SCFD2: variants seen among roughly 807,000 people sequenced by gnomAD.
The protein encoded by SCFD2 is sec1 family domain containing 2.
SCFD2 carries 54 observed loss-of-function variants against 58.9 expected under a neutral mutation model. That is an observed-to-expected ratio of 0.92 (90% confidence interval 0.74 to 1.15). The LOEUF is 1.15. Ranked by LOEUF, SCFD2 falls within the 50% of genes most tolerant of loss-of-function variation. The pLI, the probability that SCFD2 is intolerant of heterozygous loss-of-function variation, is 0.00. For missense variants in SCFD2, 805 were observed against 836.6 expected, an observed-to-expected ratio of 0.96 and a Z score of 0.47; for synonymous variants, 321 against 335.9, an observed-to-expected ratio of 0.96 and a Z score of 0.49.
chr4:53,135,864 C>T (rs1560351377), intron 5 of SCFD2, among the ~76,000 whole-genome samples: 1 of 152,162 alleles, frequency 6.6e-6, no homozygotes, highest in Non-Finnish European at 1.5e-5. Context: ...CAAAACCTAA[C>T]CTACTTTACT....
chr4:52,928,967 G>C (rs923927153), intron 5 of SCFD2, among the ~76,000 whole-genome samples: 17 of 152,174 alleles, frequency 1.1e-4, no homozygotes, highest in African/African-American at 4.1e-4. Context: ...AACTGTTTCT[G>C]CATGAAATTT....
intron 5 of SCFD2, among the ~76,000 whole-genome samples, chr4:53,060,226 C>A (rs1723465586): frequency 6.6e-6 from 1 of 152,052 alleles, no homozygotes; most frequent in African/African-American, 2.4e-5. Context: ...GAACTAGAGG[C>A]CCCATTAATT....
intron 4 of SCFD2, among the ~76,000 whole-genome samples, chr4:53,190,999 C>T (rs753218026): frequency 6.6e-6 from 1 of 152,112 alleles, no homozygotes; most frequent in Non-Finnish European, 1.5e-5. Flanking sequence ...ACACCAATAA[C>T]CAGAAAGTAT....
chr4:53,286,713 C>T (rs1038734822), intron 3 of SCFD2, among the ~76,000 whole-genome samples: 2 of 152,182 alleles, frequency 1.3e-5, no homozygotes, highest in Admixed American at 6.5e-5. Flanking sequence ...ACCCTGACTC[C>T]CTGGATGCAG....
At chr4:53,249,855 T>G (rs1029812106) in intron 4 of SCFD2, among the ~76,000 whole-genome samples, 2 of 152,146 alleles carry the variant, frequency 1.3e-5, no homozygotes, top group African/African-American at 4.8e-5. Context: ...CATGACAAAT[T>G]GTAAAGACCA....
At position 52,922,060 on chromosome 4, in the gene SCFD2, G is replaced by A. The variant is rs548697898; in HGVS notation, c.1562-1190C>T. ...CATTAGTGGCTTTCCTTCCTCCCCC[G>A]TCTCACCTCCCTACCTCCTGACTGT... On this transcript the variant is annotated intron_variant, in intron 5 of 8. Transcript: ENST00000401642. 2.8e-4 allele frequency among the ~76,000 whole-genome samples: 42 copies of A among 151,932 alleles called. 1 individual carries two copies. In the South Asian group the frequency reaches 4.0e-3, roughly 14 times the overall value.
chr4:53,238,721 C>T (rs1171001883), intron 4 of SCFD2, among the ~76,000 whole-genome samples: 2 of 138,088 alleles, frequency 1.4e-5, no homozygotes, highest in South Asian at 2.4e-4. Context: ...ACATCCCAGA[C>T]GGGGCGGCGG....
chr4:53,137,032 G>A (rs1215877871), intron 5 of SCFD2, among the ~76,000 whole-genome samples: 2 of 152,216 alleles, frequency 1.3e-5, no homozygotes, highest in African/African-American at 4.8e-5. Context: ...TGTTAGAGAA[G>A]TCTGTAATTG....
intron 5 of SCFD2, among the ~76,000 whole-genome samples, chr4:53,012,116 G>T (rs1391621354): frequency 2.0e-5 from 3 of 151,266 alleles, no homozygotes; most frequent in Admixed American, 1.3e-4. Flanking sequence ...AAAGATCCTG[G>T]CAGAAGTCAA....
At chr4:53,255,479 T>C (rs1730578398) in intron 4 of SCFD2, among the ~76,000 whole-genome samples, 1 of 152,076 alleles carries the variant, frequency 6.6e-6, no homozygotes, top group African/African-American at 2.4e-5. Context: ...CCTTAATCCA[T>C]TTAACCCTGA....
chr4:52,937,902 T>C (rs1368848619), intron 5 of SCFD2, among the ~76,000 whole-genome samples: 1 of 152,174 alleles, frequency 6.6e-6, no homozygotes, highest in Admixed American at 6.5e-5. Context: ...GAAAAGGAAA[T>C]TTTCTTATTA....
chr4:53,291,170 T>C (rs763764216), intron 3 of SCFD2, among the ~76,000 whole-genome samples: 39 of 152,142 alleles, frequency 2.6e-4, no homozygotes, highest in Admixed American at 4.6e-4. Flanking sequence ...TCAATATTTC[T>C]GATGCACATT....
intron 5 of SCFD2, among the ~76,000 whole-genome samples, chr4:53,064,038 C>A (rs901688591): frequency 6.6e-6 from 1 of 151,924 alleles, no homozygotes; most frequent in Admixed American, 6.6e-5. Flanking sequence ...TCAGTATTAT[C>A]TCAGATTTAC....
intron 2 of SCFD2, among the ~76,000 whole-genome samples, chr4:53,330,004 GATGAAATGA>G (rs1386033332): frequency 4.0e-5 from 6 of 151,884 alleles, no homozygotes; most frequent in African/African-American, 1.2e-4. Context: ...AGCGATGGAA[GATGAAATGA>G]ATGAAATGAA....
intron 2 of SCFD2, among the ~76,000 whole-genome samples, chr4:53,337,473 G>A (rs1733720419): frequency 6.6e-6 from 1 of 152,304 alleles, no homozygotes; most frequent in East Asian, 1.9e-4. Flanking sequence ...ATTATCAAAT[G>A]TTGGCAAGAA....
At chr4:53,222,045 A>T (rs147705816) in intron 4 of SCFD2, among the ~76,000 whole-genome samples, 1,662 of 152,326 alleles carry the variant, frequency 0.011, 20 homozygotes, top group Non-Finnish European at 0.015. Flanking sequence ...TTGTTTTTCC[A>T]TTAGGCTTAT....
At chr4:53,159,823 C>T (rs1341167865) in intron 4 of SCFD2, among the ~76,000 whole-genome samples, 5 of 152,162 alleles carry the variant, frequency 3.3e-5, no homozygotes, top group African/African-American at 9.7e-5. Context: ...ACAGCTAGTG[C>T]CCCTGGGCCA....
intron 5 of SCFD2, among the ~76,000 whole-genome samples, chr4:53,087,699 C>T (rs1398956032): frequency 6.8e-6 from 1 of 146,792 alleles, no homozygotes; most frequent in South Asian, 2.2e-4. Flanking sequence ...TCGCTGTGTC[C>T]CCCAGGCTGG....
chr4:53,331,969 C>A (rs1446223920), intron 2 of SCFD2, among the ~76,000 whole-genome samples: 1 of 152,146 alleles, frequency 6.6e-6, no homozygotes, highest in East Asian at 1.9e-4. Flanking sequence ...CTACAAACAC[C>A]TCTACACAAA....
Sources: allele counts gnomAD v4.1 joint callset (sites outside exome capture counted in the v4.1 genomes callset), GRCh38; gene constraint gnomAD v4.1.1; transcripts MANE v1.5; gene names NCBI Gene and HGNC (gene_info 2026-07-23, HGNC 2026-07-21).